LARGE1: variants seen among roughly 807,000 people sequenced by gnomAD.
LARGE1 encodes xylosyl- and glucuronyltransferase LARGE1.
Under a neutral mutation model 87.6 loss-of-function variants are expected in LARGE1, and 43 were observed. That is an observed-to-expected ratio of 0.49 (90% confidence interval 0.38 to 0.63). LARGE1 has a LOEUF of 0.63. LARGE1 is among the 30% of genes least tolerant of loss of function. LARGE1 has a pLI of 0.00. For synonymous variants in LARGE1, 434 were observed against 394.6 expected (o/e 1.10, Z -1.18); for missense variants, 802 against 1,000.2 (o/e 0.80, Z 2.67).
chr22:33,820,400 T>C (rs1406299098), intron 1 of LARGE1, among the ~76,000 whole-genome samples: 1 of 152,068 alleles, frequency 6.6e-6, no homozygotes, highest in African/African-American at 2.4e-5. Flanking sequence ...TAGCTCGCTA[T>C]AGCCTCAAAC....
rs67447726 is a variant in LARGE1 at position 33,870,556 on chromosome 22, GTGTTGT to G, written c.-83+49433_-83+49438del. On this transcript the variant is annotated intron_variant, in intron 1 of 14. Coordinates refer to ENST00000397394, the MANE Select transcript of LARGE1 (RefSeq NM_133642.5). ...CCCCACAACATCCCCATGACTGTCT[GTGTTGT>G]TGTTGTTGTTGTTGTTGTTGTTGTT... Among the ~76,000 whole-genome samples, 117 of 150,308 alleles carry G rather than the reference GTGTTGT, an allele frequency of 7.8e-4. 1 individual carries two copies. Among genetic ancestry groups the G allele is most frequent in the African/African-American group, 2.5e-3 (100 of 40,808 alleles).
intron 10 of LARGE1, among the ~76,000 whole-genome samples, chr22:33,333,067 C>T (rs151103192): frequency 0.028 from 4,070 of 146,982 alleles, 87 homozygotes; most frequent in Middle Eastern, 0.074. Flanking sequence ...AGTGCAGTGG[C>T]GTGATCTCGG....
At chr22:33,703,665 G>C (rs1010189926) in intron 2 of LARGE1, among the ~76,000 whole-genome samples, 1 of 152,172 alleles carries the variant, frequency 6.6e-6, no homozygotes, top group African/African-American at 2.4e-5. Flanking sequence ...TGGAGGATGG[G>C]ACCACAAGCC....
At chr22:33,331,957 C>T (rs944299315) in intron 10 of LARGE1, among the ~76,000 whole-genome samples, 1 of 152,116 alleles carries the variant, frequency 6.6e-6, no homozygotes, top group Non-Finnish European at 1.5e-5. Context: ...CGTGTGCTCT[C>T]AAAGCACTAC....
At chr22:33,752,208 G>A (rs2084344420) in intron 2 of LARGE1, among the ~76,000 whole-genome samples, 1 of 152,156 alleles carries the variant, frequency 6.6e-6, no homozygotes, top group Non-Finnish European at 1.5e-5. Flanking sequence ...TCTCTTGGGT[G>A]TATTGCTAGG....
chr22:33,893,824 A>G (rs1313594412), intron 1 of LARGE1, among the ~76,000 whole-genome samples: 2 of 152,214 alleles, frequency 1.3e-5, no homozygotes, highest in Non-Finnish European at 2.9e-5. Context: ...TTTAACCATG[A>G]ACTCTAAGCA....
At chr22:33,590,780 G>T (rs11912098) in intron 5 of LARGE1, among the ~76,000 whole-genome samples, 12,844 of 152,222 alleles carry the variant, frequency 0.084, 670 homozygotes, top group African/African-American at 0.14. Context: ...AGTCAGTGAA[G>T]TCCTATGAAT....
chr22:33,407,306 T>A (rs1419395497), intron 7 of LARGE1, among the ~76,000 whole-genome samples: 1 of 152,158 alleles, frequency 6.6e-6, no homozygotes, highest in Non-Finnish European at 1.5e-5. Flanking sequence ...ACTATAGGTG[T>A]GCACCACTGT....
At chr22:33,085,200 C>T in the LARGE1 span, among the ~76,000 whole-genome samples, 5 of 152,184 alleles carry the variant, frequency 3.3e-5, no homozygotes, top group Non-Finnish European at 5.9e-5. Context: ...CACTTGAACC[C>T]GGGAAGCGAA....
chr22:33,562,703 C>T (rs743728), intron 6 of LARGE1, among the ~76,000 whole-genome samples: 68,327 of 151,986 alleles, frequency 0.45, 16,798 homozygotes, highest in Non-Finnish European at 0.56. Context: ...ATAACCATGA[C>T]AATTCACGTT....
intron 1 of LARGE1, among the ~76,000 whole-genome samples, chr22:33,848,394 G>A (rs1483218599): frequency 1.4e-5 from 2 of 142,920 alleles, no homozygotes; most frequent in South Asian, 2.4e-4. Flanking sequence ...AGAAAGGGCA[G>A]GCACTGAGAG....
intron 9 of LARGE1, among the ~76,000 whole-genome samples, chr22:33,349,764 T>A (rs1444734695): frequency 6.6e-6 from 1 of 152,178 alleles, no homozygotes; most frequent in Non-Finnish European, 1.5e-5. Flanking sequence ...TTTGCCACAG[T>A]GCAGTCTAGG....
intron 6 of LARGE1, among the ~76,000 whole-genome samples, chr22:33,476,230 C>T (rs549176436): frequency 7.5e-4 from 114 of 152,318 alleles, no homozygotes; most frequent in Middle Eastern, 3.4e-3. Flanking sequence ...CAAACGCATA[C>T]CTGGATTGCT....
At chr22:33,896,913 C>T (rs760885080) in intron 1 of LARGE1, among the ~76,000 whole-genome samples, 8 of 152,134 alleles carry the variant, frequency 5.3e-5, no homozygotes, top group Non-Finnish European at 1.0e-4. Context: ...CCTTCCCCGC[C>T]GACCAGACCT....
chr22:33,824,837 A>G (rs1286995626), intron 1 of LARGE1, among the ~76,000 whole-genome samples: 1 of 152,252 alleles, frequency 6.6e-6, no homozygotes, highest in Non-Finnish European at 1.5e-5. Context: ...TGGCTTCAAT[A>G]AATGTCAGTT....
At chr22:33,557,862 C>T (rs141805724) in intron 6 of LARGE1, among the ~76,000 whole-genome samples, 1,994 of 152,194 alleles carry the variant, frequency 0.013, 42 homozygotes, top group African/African-American at 0.045. Flanking sequence ...CCACTAAGCC[C>T]GGCCCAGGAG....
intron 2 of LARGE1, among the ~76,000 whole-genome samples, chr22:33,699,602 G>C (rs937957434): frequency 3.3e-5 from 5 of 152,196 alleles, no homozygotes. Context: ...TGAAGAGTGA[G>C]ATTCCAAGCA....
At chr22:33,120,782 G>A in the LARGE1 span, among the ~76,000 whole-genome samples, 1 of 151,960 alleles carries the variant, frequency 6.6e-6, no homozygotes, top group South Asian at 2.1e-4. Context: ...CTCCCAAAGT[G>A]CTGGGCTTAC....
At chr22:33,753,218 C>A (rs2084386955) in intron 2 of LARGE1, among the ~76,000 whole-genome samples, 1 of 151,526 alleles carries the variant, frequency 6.6e-6, no homozygotes, top group Non-Finnish European at 1.5e-5. Context: ...GACTCCATCA[C>A]AAAAAAATAG....
Sources: gnomAD v4.1 joint callset for allele counts (sites outside exome capture counted in the v4.1 genomes callset) on GRCh38, gnomAD v4.1.1 for gene constraint, MANE v1.5 for transcripts, NCBI Gene and HGNC (gene_info 2026-07-23, HGNC 2026-07-21) for gene names.